Variants in TRIM67 observed in about 807,000 individuals in gnomAD.
The protein encoded by TRIM67 is tripartite motif containing 67, also known as tripartite motif-containing protein 67.
In TRIM67, 39 loss-of-function variants were observed where a neutral mutation model predicts 71.0. The ratio of observed to expected loss-of-function variants is 0.55; its 90% CI spans 0.43 to 0.72. The LOEUF (loss-of-function observed/expected upper bound fraction) is 0.72, where lower values mean the gene tolerates loss of function less well. Among genes scored for constraint, TRIM67 ranks in the 30% least tolerant of loss-of-function variants. TRIM67 has a pLI of 0.00. For synonymous variants in TRIM67, 481 were observed against 473.9 expected (o/e 1.01, Z -0.19); for missense variants, 973 against 1,079.2 (o/e 0.90, Z 1.38).
intron 9 of TRIM67, 58 bp from the exon 10 acceptor site, chr1:231,215,317 C>A (rs1683986991): frequency 2.5e-6 from 4 of 1,580,864 alleles, no homozygotes; most frequent in African/African-American, 1.3e-5. Context: ...GCTGTCAGAG[C>A]CCTCAGGGTC....
rs1206399340 is a variant in TRIM67 at position 231,219,654 on chromosome 1, CT to C, written c.*4215del. ...CTTTGTTTTCCTTGGCCACATTTTA[CT>C]GGAAGCAACAGGAACTTCTTAATGG... On this transcript the variant is annotated 3_prime_UTR_variant, in exon 10 of 10. Coordinates refer to ENST00000366653, the MANE Select transcript of TRIM67 (RefSeq NM_001004342.5). 3 of 1,148,168 alleles carry C rather than the reference CT, an allele frequency of 2.6e-6. No homozygotes were observed. In the African/African-American group the frequency reaches 4.9e-5, roughly 19 times the overall value. 71.1% of individuals were successfully genotyped at this position (1,148,168 alleles called of 1,614,324 possible). A position where few individuals can be genotyped will look rare whatever the true frequency, so the allele number is the denominator to read the frequency against.
At position 231,163,614 on chromosome 1, in the gene TRIM67, G is replaced by T. The variant is rs1682360585; in HGVS notation, c.645G>T (p.Pro215=). The T allele has an allele frequency of 5.9e-6, 9 of 1,518,250 alleles. No homozygotes were observed. The highest frequency in any genetic ancestry group is 1.7e-4 in the Middle Eastern group (1 of 5,840). 94.0% of individuals were successfully genotyped at this position (1,518,250 alleles called of 1,614,324 possible). A position where few individuals can be genotyped will look rare whatever the true frequency, so the allele number is the denominator to read the frequency against. Residue 215 remains proline (P), a synonymous_variant, in exon 1 of 10, where the codon CCG becomes CCT. Transcript: ENST00000366653. ...VAICQLCDRT[P]PEPAATLCEQ... ...TCTGCCAGCTGTGCGACCGCACCCC[G>T]CCAGAGCCAGCAGCCACGCTCTGCG...
intron 1 of TRIM67, among the ~76,000 whole-genome samples, chr1:231,177,652 G>A (rs890787618): frequency 2.0e-5 from 3 of 152,168 alleles, no homozygotes; most frequent in African/African-American, 7.2e-5. Flanking sequence ...AATAACTCCA[G>A]ACAGCTTTAA....
chr1:231,181,522 T>C (rs1682907792), intron 1 of TRIM67, among the ~76,000 whole-genome samples: 1 of 152,222 alleles, frequency 6.6e-6, no homozygotes, highest in East Asian at 1.9e-4. Flanking sequence ...AACCATTCTC[T>C]CACCATTTCA....
At chr1:231,175,155 G>T (rs901575259) in intron 1 of TRIM67, among the ~76,000 whole-genome samples, 42 of 152,188 alleles carry the variant, frequency 2.8e-4, no homozygotes, top group African/African-American at 1.0e-3. Context: ...ACACCATCAG[G>T]TTGCTGGGAG....
intron 1 of TRIM67, among the ~76,000 whole-genome samples, chr1:231,193,218 C>A (rs932115110): frequency 6.6e-6 from 1 of 152,146 alleles, no homozygotes; most frequent in Non-Finnish European, 1.5e-5. Context: ...TTTATTCAGC[C>A]GGGGAGCATT....
At chr1:231,195,667 G>T (rs566435779) in intron 1 of TRIM67, among the ~76,000 whole-genome samples, 2 of 152,210 alleles carry the variant, frequency 1.3e-5, no homozygotes, top group Non-Finnish European at 2.9e-5. Flanking sequence ...CCCCTTCCTT[G>T]TATTTCCACC....
rs777881851 is a variant in TRIM67, at chr1:231,218,276, C to T, written c.*2836C>T. The T allele has an allele frequency of 3.0e-6, 3 of 988,052 alleles. No individual in the cohort carries two copies. Among genetic ancestry groups the T allele is most frequent in the Non-Finnish European group, 3.6e-6 (3 of 831,576 alleles). The allele number at this position is 988,052 out of a possible 1,614,324, so 61.2% of individuals were successfully genotyped here. On this transcript the variant is annotated 3_prime_UTR_variant, in exon 10 of 10. Transcript: ENST00000366653. ...CATCATGGTGGCACATTTGTACATA[C>T]ATATAAATGATATCAAGATGAGGCT...
At chr1:231,185,276 T>G in intron 1 of TRIM67, 18 of 1,466,432 alleles carry the variant, frequency 1.2e-5, no homozygotes, top group Non-Finnish European at 1.7e-5. Context: ...GGACCAGCTC[T>G]CCCTCCCACC....
At chr1:231,168,793 G>T (rs372905063) in intron 1 of TRIM67, among the ~76,000 whole-genome samples, 39 of 152,352 alleles carry the variant, frequency 2.6e-4, no homozygotes, top group African/African-American at 8.9e-4. Flanking sequence ...TTTAAGGTCT[G>T]TGAAAAGACA....
In TRIM67 at chr1:231,217,204, G is replaced by A. The variant is rs922434210; in HGVS notation, c.*1764G>A. ...GTCCGCTGTCTCTGCAGATGTGGCC[G>A]GCAAGGCCAGCTGCCCCGTCTCCAG... On this transcript the variant is annotated 3_prime_UTR_variant, in exon 10 of 10. Coordinates refer to ENST00000366653, the MANE Select transcript of TRIM67 (RefSeq NM_001004342.5). The A allele has an allele frequency of 7.1e-6, 7 of 985,884 alleles. No individual in the cohort carries two copies. The highest frequency in any genetic ancestry group is 1.7e-5 in the African/African-American group (1 of 57,232). 61.1% of individuals were successfully genotyped at this position (985,884 alleles called of 1,614,324 possible).
chr1:231,163,064 G>A lies in TRIM67; in HGVS notation c.95G>A (p.Arg32His), dbSNP rs1682333095. ...CSHNVCLPCARTIAVQTPDGE... is the reference protein window; with the variant it reads ...CSHNVCLPCAHTIAVQTPDGE... ...CACAATGTCTGCCTGCCTTGCGCTC[G>A]CACCATCGCGGTGCAGACCCCGGAC... Residue 32 changes from arginine to histidine, a missense_variant, in exon 1 of 10, where the codon CGC becomes CAC. Physicochemically the swap from Arg to His is conservative, Grantham distance 29. Coordinates refer to ENST00000366653, the MANE Select transcript of TRIM67 (RefSeq NM_001004342.5). 1 of 1,604,248 alleles carries A rather than the reference G, an allele frequency of 6.2e-7. No homozygotes were observed. Among genetic ancestry groups the A allele is most frequent in the Non-Finnish European group, 8.5e-7 (1 of 1,175,874 alleles).
Position 231,217,011 on chromosome 1 carries a change from C to T in TRIM67, c.*1571C>T. The T allele has an allele frequency of 1.0e-6, 1 of 985,902 alleles. No homozygotes were observed. The highest frequency in any genetic ancestry group is 1.2e-6 in the Non-Finnish European group (1 of 829,954). 61.1% of individuals were successfully genotyped at this position (985,902 alleles called of 1,614,324 possible). ...CTGGACTGGATTTTTATAAAATTCG[C>T]CCATTCACCAGCACCAACTGTGCGT... is the stretch of plus-strand genomic sequence containing the variant. On this transcript the variant is annotated 3_prime_UTR_variant, in exon 10 of 10. Coordinates refer to ENST00000366653, the MANE Select transcript of TRIM67 (RefSeq NM_001004342.5).
chr1:231,182,793 G>A (rs545674723), intron 1 of TRIM67, among the ~76,000 whole-genome samples: 6 of 152,314 alleles, frequency 3.9e-5, no homozygotes, highest in African/African-American at 9.6e-5. Flanking sequence ...TCCTGCACAC[G>A]TGAGCTTTTG....
intron 4 of TRIM67, among the ~76,000 whole-genome samples, chr1:231,200,674 C>T (rs936823242): frequency 1.3e-5 from 2 of 152,226 alleles, no homozygotes; most frequent in African/African-American, 2.4e-5. Flanking sequence ...GGGGCCATCT[C>T]TCCTGCATTC....
intron 7 of TRIM67, 87 bp downstream of exon 7, chr1:231,206,877 A>T: frequency 2.1e-4 from 259 of 1,245,498 alleles, no homozygotes; most frequent in Middle Eastern, 5.6e-4. Context: ...AGCTATGATG[A>T]TGGGGTAGGG....
In TRIM67 at chr1:231,167,319, CTTTT is replaced by C. The variant is rs1159766852; in HGVS notation, c.1044+3324_1044+3327del. 7.1e-4 allele frequency among the ~76,000 whole-genome samples: 37 copies of C among 51,844 alleles called. 3 individuals are homozygous for C. Among genetic ancestry groups the C allele is most frequent in the Non-Finnish European group, 1.1e-3 (29 of 27,220 alleles). 34.0% of individuals were successfully genotyped at this position (51,844 alleles called of 152,430 possible). A position where few individuals can be genotyped will look rare whatever the true frequency, so the allele number is the denominator to read the frequency against. ...ACAGGACTTTTGATCACTCTAATGTCTTTTTTTTTTTTTTTTTTTTTGAGACGGA... is the reference window on the plus strand; with the variant it reads ...ACAGGACTTTTGATCACTCTAATGTCTTTTTTTTTTTTTTTTTGAGACGGA... On this transcript the variant is annotated intron_variant, in intron 1 of 9. Transcript: ENST00000366653.
intron 1 of TRIM67, among the ~76,000 whole-genome samples, chr1:231,194,402 G>A (rs1683312411): frequency 6.6e-6 from 1 of 152,160 alleles, no homozygotes; most frequent in African/African-American, 2.4e-5. Context: ...CAAAATTAAG[G>A]CTGTCAGGGC....
intron 6 of TRIM67, among the ~76,000 whole-genome samples, chr1:231,204,825 C>A (rs1571898953): frequency 6.6e-6 from 1 of 152,228 alleles, no homozygotes; most frequent in African/African-American, 2.4e-5. Context: ...GGTCAACATT[C>A]CCTTAGTTTC....
Sources: allele counts gnomAD v4.1 joint callset (sites outside exome capture counted in the v4.1 genomes callset), GRCh38; gene constraint gnomAD v4.1.1; transcripts MANE v1.5; gene names NCBI Gene and HGNC (gene_info 2026-07-23, HGNC 2026-07-21).